SARS2: variants seen among roughly 807,000 people sequenced by gnomAD.
The protein encoded by SARS2 is serine--tRNA ligase, mitochondrial.
In SARS2, 52 loss-of-function variants were observed where a neutral mutation model predicts 66.8. The ratio of observed to expected loss-of-function variants is 0.78; its 90% confidence interval spans 0.62 to 0.98. The LOEUF (loss-of-function observed/expected upper bound fraction) is 0.98, where lower values mean the gene tolerates loss of function less well. SARS2 is among the 50% of genes least tolerant of loss of function. The probability of loss-of-function intolerance (pLI) is 0.00; values close to 1 mark genes in which losing one functional copy is unlikely to be tolerated. For missense variants in SARS2, 673 were observed against 706.3 expected, an observed-to-expected ratio of 0.95 and a Z score of 0.53; for synonymous variants, 306 against 281.4, an observed-to-expected ratio of 1.09 and a Z score of -0.87.
At chr19:38,920,414 A>G (rs1974499463) in intron 5 of SARS2, among the ~76,000 whole-genome samples, 1 of 151,898 alleles carries the variant, frequency 6.6e-6, no homozygotes, top group Non-Finnish European at 1.5e-5. Flanking sequence ...GGGAAGGCAG[A>G]GTTAGAAACA....
At chr19:38,923,960 C>A (rs1039240377) in intron 2 of SARS2, among the ~76,000 whole-genome samples, 1 of 127,202 alleles carries the variant, frequency 7.9e-6, no homozygotes, top group Non-Finnish European at 1.6e-5. Flanking sequence ...GGTGGAAGAG[C>A]GAGACTCAGT....
chr19:38,919,479 A>G lies in SARS2; in HGVS notation c.759+283T>C, dbSNP rs2099339. On this transcript the variant is annotated intron_variant, in intron 7 of 15. Coordinates refer to ENST00000221431, the MANE Select transcript of SARS2 (RefSeq NM_017827.4). ...ATACCGCAAGCAGGCAGTGAGGTGC[A>G]ATGATTACAAGCACAGGCTCTAGGC... Among the ~76,000 whole-genome samples the G allele has an allele frequency of 0.47, 71,365 of 152,068 alleles. 16,991 individuals are homozygous for G. Among genetic ancestry groups the G allele is most frequent in the South Asian group, 0.55 (2,649 of 4,826 alleles).
intron 9 of SARS2, 75 bp downstream of exon 9, chr19:38,918,347 C>T: frequency 1.4e-6 from 2 of 1,390,438 alleles, no homozygotes; most frequent in South Asian, 1.2e-5. Flanking sequence ...TGATCCCCCC[C>T]AGTGCTCCCT....
chr19:38,918,567 A>C, intron 8 of SARS2, 37 bp from the exon 9 acceptor site: 1 of 1,529,044 alleles, frequency 6.5e-7, no homozygotes, highest in African/African-American at 1.4e-5. Context: ...ATCAGGGGAC[A>C]GGTAACCCTG....
chr19:38,921,535 G>A lies in SARS2; in HGVS notation c.526C>T (p.Pro176Ser). ...CCCAGCACGGTGCTCACCACGTCTG[G>A]GTGGGTCTGGTTGGGCAGCTTCAGC... The part of the protein sequence containing the change: ...QALKLPNQTH[P>S]DVPVGDESQA... Residue 176 changes from proline (P) to serine (S), a missense_variant, in exon 4 of 16, where the codon CCA (proline) becomes TCA (serine). By Grantham distance (74) the Pro-to-Ser change is moderately conservative. Transcript: ENST00000221431. The A allele has an allele frequency of 6.2e-7, 1 of 1,614,174 alleles. No individual in the cohort carries two copies. The highest frequency in any genetic ancestry group is 8.5e-7 in the Non-Finnish European group (1 of 1,180,016).
chr19:38,917,729 G>A lies in SARS2; in HGVS notation c.1155C>T (p.His385=). The A allele has an allele frequency of 6.8e-7, 1 of 1,477,896 alleles. No individual in the cohort carries two copies. The highest frequency in any genetic ancestry group is 9.2e-7 in the Non-Finnish European group (1 of 1,091,210). The allele number at this position is 1,477,896 out of a possible 1,614,324, so 91.5% of individuals were successfully genotyped here. ...QMEILTELGL[H]FRVLDMPTQE... ...TCCCTGGCCCCTCTCCACACCGGAA[G>A]TGCAAGCCCAGCTCTGTCAAGATCT... The change falls in exon 12 of 16, where the codon CAC becomes CAT. Residue 385 remains histidine, a synonymous_variant. Coordinates refer to ENST00000221431, the MANE Select transcript of SARS2 (RefSeq NM_017827.4).
chr19:38,916,299 G>T lies in SARS2; in HGVS notation c.1176C>A (p.Pro392=). ...AGGCGGGGAGGCCCAGTTCTTGGGT[G>T]GGCATATCCAGGACCCTGCGGTCAA... ...LGLHFRVLDM[P]TQELGLPAYR... Residue 392 remains proline (P), a synonymous_variant, in exon 13 of 16, where the codon CCC becomes CCA. Transcript: ENST00000221431. 1 of 1,614,104 alleles carries T rather than the reference G, an allele frequency of 6.2e-7. No individual in the cohort carries two copies. Among genetic ancestry groups the T allele is most frequent in the South Asian group, 1.1e-5 (1 of 91,084 alleles).
rs1353484644 is a variant in SARS2 at position 38,918,823 on chromosome 19, G to C, written c.760-10C>G. On this transcript the variant is annotated splice_polypyrimidine_tract_variant and intron_variant, in intron 7 of 15. Transcript: ENST00000221431. ...TCATGGGGGTGAAGCCCTGTTCAGG[G>C]GAGAGGATGAGTGAGCAGAGCTGGG... The C allele has an allele frequency of 6.4e-7, 1 of 1,558,206 alleles. No individual in the cohort carries two copies. Among genetic ancestry groups the C allele is most frequent in the Non-Finnish European group, 8.7e-7 (1 of 1,150,202 alleles).
intron 2 of SARS2, among the ~76,000 whole-genome samples, chr19:38,922,625 A>T (rs896710946): frequency 6.6e-5 from 10 of 152,104 alleles, no homozygotes. Flanking sequence ...AATATCTCAA[A>T]TTGTAATTCC....
chr19:38,921,613 C>G lies in SARS2; in HGVS notation c.448G>C (p.Val150Leu). 6.2e-7 allele frequency: 1 copy of G among 1,614,252 alleles called. No individual in the cohort carries two copies. Among genetic ancestry groups the G allele is most frequent in the Non-Finnish European group, 8.5e-7 (1 of 1,180,040 alleles). ...TGGGCCTCCCTGGGGTACAGGTGAA[C>G]AAGCTCCTTCCGGATCTCCCGGCCA... is the stretch of plus-strand genomic sequence containing the variant. ...ARGREIRKEL[V>L]HLYPREAQLE... The change falls in exon 4 of 16, where the codon GTT (valine) becomes CTT (leucine). Residue 150 changes from valine (V) to leucine (L), a missense_variant. Coordinates refer to ENST00000221431, the MANE Select transcript of SARS2 (RefSeq NM_017827.4).
rs1683254347 is a variant in SARS2 at position 38,921,923 on chromosome 19, A to G, written c.394-256T>C. 8 of 1,499,442 alleles carry G rather than the reference A, an allele frequency of 5.3e-6. No homozygotes were observed. The Admixed American group carries it at 1.4e-4, about 26-fold the overall frequency. 92.9% of individuals were successfully genotyped at this position (1,499,442 alleles called of 1,614,324 possible). A position where few individuals can be genotyped will look rare whatever the true frequency, so the allele number is the denominator to read the frequency against. On this transcript the variant is annotated intron_variant, in intron 3 of 15. Transcript: ENST00000221431. ...GGCTCAGAGACAGGCACCTGATGTC[A>G]GCTGAACTCATGAGAATCAGCCCCA...
intron 1 of SARS2, among the ~76,000 whole-genome samples, chr19:38,929,584 G>A (rs76982552): frequency 0.012 from 1,736 of 148,716 alleles, 37 homozygotes; most frequent in African/African-American, 0.038. Flanking sequence ...AAAAAAAAGT[G>A]GATTCTAGGC....
chr19:38,920,884 GACACACAC>G (rs376790270), intron 5 of SARS2, among the ~76,000 whole-genome samples: 1 of 146,272 alleles, frequency 6.8e-6, no homozygotes, highest in Admixed American at 6.8e-5. Flanking sequence ...GACACACACA[GACACACAC>G]ACACACAAAC....
In SARS2 at chr19:38,915,381, C is replaced by G; in HGVS notation, c.*225G>C. On this transcript the variant is annotated 3_prime_UTR_variant, in exon 16 of 16. Transcript: ENST00000221431. ...TGTCCCTAGAACCGTAAAGCCCAGA[C>G]GTCCTGCTTCCCACTGGGACCCTCA... The G allele has an allele frequency of 1.7e-6, 1 of 592,858 alleles. No individual in the cohort carries two copies. Among genetic ancestry groups the G allele is most frequent in the Non-Finnish European group, 3.0e-6 (1 of 333,300 alleles). 36.7% of individuals were successfully genotyped at this position (592,858 alleles called of 1,614,324 possible). A position where few individuals can be genotyped will look rare whatever the true frequency, so the allele number is the denominator to read the frequency against.
chr19:38,919,661 G>GT, intron 7 of SARS2, 101 bp downstream of exon 7: 3 of 888,322 alleles, frequency 3.4e-6, no homozygotes, highest in Middle Eastern at 2.1e-4. Context: ...TCTGAGAGCA[G>GT]TGACTAGGGC....
chr19:38,920,810 C>T (rs558819143), intron 5 of SARS2, among the ~76,000 whole-genome samples: 2 of 151,922 alleles, frequency 1.3e-5, no homozygotes, highest in South Asian at 4.2e-4. Flanking sequence ...CACAGACACA[C>T]AGAGACAGAC....
At chr19:38,917,677 C>A in intron 12 of SARS2, 47 bp downstream of exon 12, 1 of 970,906 alleles carries the variant, frequency 1.0e-6, no homozygotes. Flanking sequence ...CTTGTCCCTC[C>A]CCTACCCCAC....
At chr19:38,923,732 G>A (rs1270694193) in intron 2 of SARS2, among the ~76,000 whole-genome samples, 1 of 151,838 alleles carries the variant, frequency 6.6e-6, no homozygotes, top group African/African-American at 2.4e-5. Context: ...TGTAATCCCA[G>A]CACTTTGGAA....
In SARS2 at chr19:38,916,145, G is replaced by A. The variant is rs991507647; in HGVS notation, c.1255-16C>T. On this transcript the variant is annotated splice_polypyrimidine_tract_variant and intron_variant, in intron 13 of 15. Coordinates refer to ENST00000221431, the MANE Select transcript of SARS2 (RefSeq NM_017827.4). ...CACTGGTGACCTGGGGTGGAGGAGC[G>A]GCAGGCTGAGCGGATCAGGGATGGG... 8.1e-6 allele frequency: 13 copies of A among 1,613,632 alleles called. No individual in the cohort carries two copies. The highest frequency in any genetic ancestry group is 1.1e-5 in the Non-Finnish European group (13 of 1,179,862).
Sources: gnomAD v4.1 joint callset for allele counts (sites outside exome capture counted in the v4.1 genomes callset) on GRCh38, gnomAD v4.1.1 for gene constraint, MANE v1.5 for transcripts, NCBI Gene and HGNC (gene_info 2026-07-23, HGNC 2026-07-21) for gene names.